Variants in TCERG1L observed in about 807,000 individuals in gnomAD.
TCERG1L encodes transcription elongation regulator 1 like.
A neutral mutation model predicts 56.3 loss-of-function variants in TCERG1L; 37 were observed. The observed-to-expected ratio is 0.66, with a 90% CI of 0.51 to 0.87. TCERG1L has a LOEUF of 0.87. Among genes scored for constraint, TCERG1L ranks in the 40% least tolerant of loss-of-function variants. The pLI is 0.00. For missense variants in TCERG1L, 799 were observed against 774.2 expected, an observed-to-expected ratio of 1.03 and a Z score of -0.38; for synonymous variants, 324 against 326.3, an observed-to-expected ratio of 0.99 and a Z score of 0.08.
intron 3 of TCERG1L, among the ~76,000 whole-genome samples, chr10:131,302,330 G>GTT (rs57225154): frequency 1.4e-5 from 2 of 147,718 alleles, no homozygotes; most frequent in African/African-American, 2.5e-5. Context: ...GCTGAAATTT[G>GTT]TTTTTTTGTT....
intron 2 of TCERG1L, among the ~76,000 whole-genome samples, chr10:131,308,666 T>C (rs1846842474): frequency 6.6e-6 from 1 of 152,134 alleles, no homozygotes; most frequent in Admixed American, 6.5e-5. Flanking sequence ...ATCACCCCAA[T>C]GAGATAATGA....
chr10:131,202,065 CTAAT>C (rs941477293), intron 4 of TCERG1L, among the ~76,000 whole-genome samples: 2 of 152,188 alleles, frequency 1.3e-5, no homozygotes, highest in Admixed American at 6.5e-5. Flanking sequence ...AACAGACAAA[CTAAT>C]TAAGAGTCTC....
At chr10:131,219,138 T>A (rs1003797951) in intron 4 of TCERG1L, among the ~76,000 whole-genome samples, 1 of 152,088 alleles carries the variant, frequency 6.6e-6, no homozygotes, top group African/African-American at 2.4e-5. Flanking sequence ...CCCGCAGTCA[T>A]GATGGCCCTC....
intron 10 of TCERG1L, among the ~76,000 whole-genome samples, chr10:131,100,689 C>T (rs774170316): frequency 2.1e-4 from 32 of 152,318 alleles, no homozygotes; most frequent in East Asian, 9.6e-4. Flanking sequence ...GCAGCTCCCC[C>T]GGCAGAGGAA....
chr10:131,128,965 T>A (rs1008869440), intron 8 of TCERG1L, among the ~76,000 whole-genome samples: 3 of 152,132 alleles, frequency 2.0e-5, no homozygotes, highest in Non-Finnish European at 4.4e-5. Flanking sequence ...AACAAGCCCC[T>A]AAACCATGCC....
chr10:131,219,089 A>C (rs1299731319), intron 4 of TCERG1L, among the ~76,000 whole-genome samples: 3 of 152,102 alleles, frequency 2.0e-5, no homozygotes, highest in African/African-American at 7.2e-5. Flanking sequence ...TCCAGCCTCC[A>C]GGACTCCTCT....
intron 4 of TCERG1L, among the ~76,000 whole-genome samples, chr10:131,191,026 G>A (rs925970537): frequency 6.9e-6 from 1 of 144,310 alleles, no homozygotes; most frequent in African/African-American, 2.6e-5. Context: ...AAAGTCTCAG[G>A]TTGTAAAATC....
At chr10:131,184,101 C>T (rs1845211291) in intron 4 of TCERG1L, among the ~76,000 whole-genome samples, 1 of 152,212 alleles carries the variant, frequency 6.6e-6, no homozygotes, top group Non-Finnish European at 1.5e-5. Flanking sequence ...CCCAGCAAAG[C>T]CCTTCTCTTC....
chr10:131,109,825 C>T (rs1400631182), intron 9 of TCERG1L, among the ~76,000 whole-genome samples: 1 of 152,196 alleles, frequency 6.6e-6, no homozygotes, highest in Non-Finnish European at 1.5e-5. Context: ...GATTCCCTCC[C>T]ATTTCCACAG....
chr10:131,296,994 T>C (rs1846700384), intron 3 of TCERG1L, among the ~76,000 whole-genome samples: 2 of 152,242 alleles, frequency 1.3e-5, no homozygotes, highest in South Asian at 4.1e-4. Flanking sequence ...GGTAGACTCT[T>C]TGAGATAGTC....
intron 3 of TCERG1L, among the ~76,000 whole-genome samples, chr10:131,285,507 AGAAAGAAAGAAAGAAAGAGAG>A (rs1332563547): frequency 4.6e-5 from 1 of 21,620 alleles, no homozygotes; most frequent in African/African-American, 8.3e-5. Flanking sequence ...AAAGAAAGAA[AGAAAGAAAGAAAGAAAGAGAG>A]AAAGAAAAGA....
intron 4 of TCERG1L, among the ~76,000 whole-genome samples, chr10:131,223,827 G>A (rs927444651): frequency 1.7e-4 from 26 of 151,090 alleles, no homozygotes; most frequent in African/African-American, 4.9e-4. Flanking sequence ...ACGCACCCAC[G>A]AACCCTCCCC....
At chr10:131,302,218 C>A (rs1846769666) in intron 3 of TCERG1L, among the ~76,000 whole-genome samples, 1 of 152,042 alleles carries the variant, frequency 6.6e-6, no homozygotes, top group Non-Finnish European at 1.5e-5. Context: ...GAAGCTGTGT[C>A]AACTTCTGTG....
chr10:131,178,489 G>GC (rs1221927168), intron 4 of TCERG1L, among the ~76,000 whole-genome samples: 2 of 152,128 alleles, frequency 1.3e-5, no homozygotes, highest in African/African-American at 2.4e-5. Context: ...AAAAGGTGAG[G>GC]CCCCCTAGCC....
intron 3 of TCERG1L, among the ~76,000 whole-genome samples, chr10:131,298,652 G>T (rs1020535674): frequency 1.3e-5 from 2 of 152,238 alleles, no homozygotes; most frequent in African/African-American, 4.8e-5. Flanking sequence ...GACCTCAGGT[G>T]ATCTGCCCAG....
At chr10:131,141,043 G>A (rs928671283) in intron 7 of TCERG1L, among the ~76,000 whole-genome samples, 5 of 152,132 alleles carry the variant, frequency 3.3e-5, no homozygotes, top group Admixed American at 1.3e-4. Context: ...AGAAAGAGCC[G>A]CAGCAGAGCT....
intron 4 of TCERG1L, among the ~76,000 whole-genome samples, chr10:131,214,795 G>A (rs1845652484): frequency 1.3e-5 from 2 of 152,192 alleles, no homozygotes; most frequent in South Asian, 2.1e-4. Context: ...CTGACCATGT[G>A]CCCACTGAGA....
intron 4 of TCERG1L, among the ~76,000 whole-genome samples, chr10:131,205,610 C>T (rs910924143): frequency 4.6e-5 from 7 of 152,282 alleles, no homozygotes; most frequent in African/African-American, 9.6e-5. Flanking sequence ...TGGAGGTAAA[C>T]GCCGCCTTCC....
chr10:131,265,055 GA>G (rs1266712250), intron 3 of TCERG1L, among the ~76,000 whole-genome samples: 1 of 152,150 alleles, frequency 6.6e-6, no homozygotes, highest in Non-Finnish European at 1.5e-5. Flanking sequence ...ATCCTGGTGA[GA>G]AGCCACCGAG....
Sources: allele counts gnomAD v4.1 joint callset (sites outside exome capture counted in the v4.1 genomes callset), GRCh38; gene constraint gnomAD v4.1.1; transcripts MANE v1.5; gene names NCBI Gene and HGNC (gene_info 2026-07-23, HGNC 2026-07-21).